The following TMEM38B variants were observed in gnomAD, a reference collection of about 807,000 sequenced individuals.
The protein encoded by TMEM38B is transmembrane protein 38B.
Under a neutral mutation model 28.7 loss-of-function variants are expected in TMEM38B, and 24 were observed. The observed-to-expected ratio is 0.84, with a 90% confidence interval of 0.61 to 1.18. The LOEUF (loss-of-function observed/expected upper bound fraction) is 1.18, where lower values mean the gene tolerates loss of function less well. Among genes scored for constraint, TMEM38B ranks in the 50% most tolerant of loss-of-function variants. The pLI is 0.00. For missense variants in TMEM38B, 380 were observed against 350.9 expected, an observed-to-expected ratio of 1.08 and a Z score of -0.66; for synonymous variants, 131 against 127.7, an observed-to-expected ratio of 1.03 and a Z score of -0.17.
chr9:105,718,906 G>A (rs1836214190), intron 2 of TMEM38B, among the ~76,000 whole-genome samples: 1 of 152,110 alleles, frequency 6.6e-6, no homozygotes. Context: ...TTGTCATTCT[G>A]TCTGTATTTT....
chr9:105,705,821 AT>A (rs982243303), intron 2 of TMEM38B, 68 bp downstream of exon 2: 121 of 1,481,446 alleles, frequency 8.2e-5, no homozygotes, highest in South Asian at 1.6e-4. Flanking sequence ...AGTAAAATGA[AT>A]TTTTTTTTCT....
chr9:105,699,237 ACTC>A (rs1260483176), intron 1 of TMEM38B, among the ~76,000 whole-genome samples: 1 of 151,850 alleles, frequency 6.6e-6, no homozygotes, highest in East Asian at 1.9e-4. Context: ...ATATGTGTGT[ACTC>A]CTCCTACTCC....
chr9:105,731,680 C>T (rs1472389293), intron 4 of TMEM38B, among the ~76,000 whole-genome samples: 1 of 152,096 alleles, frequency 6.6e-6, no homozygotes, highest in East Asian at 1.9e-4. Context: ...TGTATATGTG[C>T]CACATTTTCT....
chr9:105,763,491 A>G (rs1318075363), intron 5 of TMEM38B, among the ~76,000 whole-genome samples: 1 of 152,316 alleles, frequency 6.6e-6, no homozygotes, highest in East Asian at 1.9e-4. Flanking sequence ...GAAGAAATGG[A>G]TAAATTCCTC....
intron 5 of TMEM38B, among the ~76,000 whole-genome samples, chr9:105,751,821 G>C (rs1837664393): frequency 6.6e-6 from 1 of 152,172 alleles, no homozygotes; most frequent in Non-Finnish European, 1.5e-5. Flanking sequence ...CAGCTGCCTT[G>C]GCAGATCATG....
chr9:105,704,599 G>A (rs191964872), intron 1 of TMEM38B, among the ~76,000 whole-genome samples: 2 of 151,304 alleles, frequency 1.3e-5, no homozygotes, highest in South Asian at 2.1e-4. Context: ...TGTCTGATTC[G>A]ATTAGTTCAG....
At chr9:105,710,394 A>C in intron 2 of TMEM38B, 126 of 782,554 alleles carry the variant, frequency 1.6e-4, no homozygotes, top group Non-Finnish European at 2.6e-4. Flanking sequence ...TGACTTCATG[A>C]TCTCCTTCTT....
Position 105,723,408 on chromosome 9 carries a change from ATTT to A in TMEM38B, c.542+801_542+803del, listed in dbSNP as rs33912236. The stretch of plus-strand genomic sequence containing the variant: ...ATGCCTGGCTAATTTTTGTAATTGT[ATTT>A]TTTTTTTTTTTTTGAGACAGGGTTT... On this transcript the variant is annotated intron_variant, in intron 4 of 5. Coordinates refer to ENST00000374692, the MANE Select transcript of TMEM38B (RefSeq NM_018112.3). Among the ~76,000 whole-genome samples the A allele has an allele frequency of 9.7e-3, 1,361 of 140,302 alleles. 14 individuals carry two copies. Among genetic ancestry groups the A allele is most frequent in the African/African-American group, 0.032 (1,257 of 39,366 alleles). The allele number at this position is 140,302 out of a possible 152,430, so 92.0% of individuals were successfully genotyped here.
At chr9:105,742,449 A>G (rs940474390) in intron 4 of TMEM38B, among the ~76,000 whole-genome samples, 1 of 152,198 alleles carries the variant, frequency 6.6e-6, no homozygotes, top group Admixed American at 6.5e-5. Flanking sequence ...CCCTTTTGGA[A>G]TGGCAATATC....
intron 2 of TMEM38B, among the ~76,000 whole-genome samples, chr9:105,721,014 C>T (rs188249926): frequency 7.2e-5 from 11 of 152,168 alleles, no homozygotes; most frequent in Admixed American, 3.3e-4. Context: ...ACAAATCTGC[C>T]TCCTTGTGAG....
At chr9:105,766,510 G>A (rs1282361347) in intron 5 of TMEM38B, among the ~76,000 whole-genome samples, 1 of 152,054 alleles carries the variant, frequency 6.6e-6, no homozygotes, top group Non-Finnish European at 1.5e-5. Context: ...TCCTTGGTGA[G>A]ATATATGTAT....
intron 2 of TMEM38B, among the ~76,000 whole-genome samples, chr9:105,708,854 A>T (rs1835781111): frequency 6.7e-6 from 1 of 148,878 alleles, no homozygotes; most frequent in African/African-American, 2.5e-5. Flanking sequence ...TTATCTGTTG[A>T]TTTTTTTTTT....
chr9:105,712,116 C>T (rs145638634), intron 2 of TMEM38B, among the ~76,000 whole-genome samples: 4,202 of 152,144 alleles, frequency 0.028, 73 homozygotes, highest in Non-Finnish European at 0.034. Flanking sequence ...GGTTTCACCA[C>T]GTTGGCCAGG....
At chr9:105,694,899 A>G (rs1301892449) in intron 1 of TMEM38B, 127 bp downstream of exon 1, 1 of 764,334 alleles carries the variant, frequency 1.3e-6, no homozygotes, top group African/African-American at 1.7e-5. Context: ...GTTCGATGGT[A>G]GAGTTGGAGG....
intron 1 of TMEM38B, among the ~76,000 whole-genome samples, chr9:105,695,095 C>A (rs1276655958): frequency 6.7e-6 from 1 of 149,154 alleles, no homozygotes; most frequent in African/African-American, 2.6e-5. Flanking sequence ...GCTGCCGCAG[C>A]GTTTCGGAAC....
chr9:105,743,295 A>G (rs1837271187), intron 4 of TMEM38B, among the ~76,000 whole-genome samples: 1 of 152,208 alleles, frequency 6.6e-6, no homozygotes, highest in South Asian at 2.1e-4. Flanking sequence ...TTATTGCCAT[A>G]GCCACAGGAA....
intron 2 of TMEM38B, among the ~76,000 whole-genome samples, chr9:105,716,395 T>TGTGTGTGTGTGTGTGTG: frequency 6.6e-6 from 1 of 152,138 alleles, no homozygotes; most frequent in African/African-American, 2.4e-5. Flanking sequence ...TGTGTGTATA[T>TGTGTGTGTGTGTGTGTG]TTCCAAATGA....
intron 5 of TMEM38B, 59 bp downstream of exon 5, chr9:105,748,249 A>G: frequency 8.1e-7 from 1 of 1,241,604 alleles, no homozygotes; most frequent in African/African-American, 1.5e-5. Flanking sequence ...CCCCTTTGAT[A>G]CAATTTTGCA....
rs116994222 is a variant in TMEM38B, at chr9:105,765,384, C to G, written c.661-8481C>G. 4.4e-3 allele frequency among the ~76,000 whole-genome samples: 671 copies of G among 152,246 alleles called. 18 individuals carry two copies. In the East Asian group the frequency reaches 0.061, roughly 14 times the overall value. The stretch of plus-strand genomic sequence containing the variant: ...TCATGGATAATAAAGTACATTCAGT[C>G]TAGGAGTACATTTTGATGAGTTTTG... On this transcript the variant is annotated intron_variant, in intron 5 of 5. Coordinates refer to ENST00000374692, the MANE Select transcript of TMEM38B (RefSeq NM_018112.3).
Sources: allele counts gnomAD v4.1 joint callset (sites outside exome capture counted in the v4.1 genomes callset), GRCh38; gene constraint gnomAD v4.1.1; transcripts MANE v1.5; gene names NCBI Gene and HGNC (gene_info 2026-07-23, HGNC 2026-07-21).